The following KCNIP4 variants were observed in gnomAD, a reference collection of about 807,000 sequenced individuals.
KCNIP4 encodes Kv channel-interacting protein 4.
In KCNIP4, 12 loss-of-function variants were observed where a neutral mutation model predicts 34.0. The observed-to-expected ratio is 0.35, with a 90% CI of 0.23 to 0.57. KCNIP4 has a LOEUF of 0.57. Among genes scored for constraint, KCNIP4 ranks in the 20% least tolerant of loss-of-function variants. The pLI, the probability that KCNIP4 is intolerant of heterozygous loss-of-function variation, is 0.83. For missense variants in KCNIP4, 238 were observed against 311.7 expected, an observed-to-expected ratio of 0.76 and a Z score of 1.78; for synonymous variants, 124 against 102.2, an observed-to-expected ratio of 1.21 and a Z score of -1.29.
chr4:21,193,570 A>ATTTTTT (rs1247945573), intron 1 of KCNIP4, among the ~76,000 whole-genome samples: 2 of 104,644 alleles, frequency 1.9e-5, no homozygotes, highest in East Asian at 2.5e-4. Flanking sequence ...TGCAATTTTA[A>ATTTTTT]ATTTTTTTTT....
rs185972830 is a variant in KCNIP4 at position 21,213,750 on chromosome 4, T to G, written c.62-331041A>C. Among the ~76,000 whole-genome samples the G allele has an allele frequency of 3.3e-4, 51 of 152,290 alleles. 1 individual carries two copies. In the East Asian group the frequency reaches 9.5e-3, roughly 28 times the overall value. On this transcript the variant is annotated intron_variant, in intron 1 of 8. Transcript: ENST00000382152. The stretch of plus-strand genomic sequence containing the variant: ...AAACACAGAGAAATGGTTTGGCCCA[T>G]GTATGGGCAAACCAAGTCTTTGCTG...
At chr4:21,112,053 C>CTATCTATCTATCTATA (rs1560732938) in intron 1 of KCNIP4, among the ~76,000 whole-genome samples, 3 of 152,142 alleles carry the variant, frequency 2.0e-5, no homozygotes, top group Admixed American at 6.5e-5. Context: ...ATCTATCTAT[C>CTATCTATCTATCTATA]TATCTATCTA....
At chr4:20,844,695 G>T (rs564758090) in intron 3 of KCNIP4, among the ~76,000 whole-genome samples, 1 of 152,004 alleles carries the variant, frequency 6.6e-6, no homozygotes, top group African/African-American at 2.4e-5. Flanking sequence ...ACCATAAATC[G>T]GACGTAGTGC....
rs1737865635 is a variant in KCNIP4, at chr4:20,999,414, GTTTTTTTTTTTTGTTTGTTTTTTGTT to G, written c.62-116731_62-116706del. On this transcript the variant is annotated intron_variant, in intron 1 of 8. Transcript: ENST00000382152. Reference sequence around the variant, plus strand: ...AAAAGAGGGTTTTTGTTGTGGTGGTGTTTTTTTTTTTTGTTTGTTTTTTGTTTTTTTTTTTTTTTTTTATCTTGAGA... The same window carrying G: ...AAAAGAGGGTTTTTGTTGTGGTGGTGTTTTTTTTTTTTTTTTATCTTGAGA... Among the ~76,000 whole-genome samples, 4 of 95,348 alleles carry G rather than the reference GTTTTTTTTTTTTGTTTGTTTTTTGTT, an allele frequency of 4.2e-5. 1 individual carries two copies. The highest frequency in any genetic ancestry group is 2.9e-4 in the South Asian group (1 of 3,410). 62.6% of individuals were successfully genotyped at this position (95,348 alleles called of 152,430 possible). A position where few individuals can be genotyped will look rare whatever the true frequency, so the allele number is the denominator to read the frequency against.
chr4:21,656,797 T>C (rs1309134474), intron 1 of KCNIP4: 1 of 152,350 alleles, frequency 6.6e-6, no homozygotes, highest in East Asian at 1.9e-4. Context: ...TAAATATTGA[T>C]GGTGTATCCT....
At chr4:21,897,940 G>T (rs963498338) in intron 1 of KCNIP4, among the ~76,000 whole-genome samples, 1 of 152,154 alleles carries the variant, frequency 6.6e-6, no homozygotes, top group Non-Finnish European at 1.5e-5. Flanking sequence ...TGTAGAGGGA[G>T]AATCTGTGTG....
chr4:21,778,296 C>A (rs2874961), intron 1 of KCNIP4, among the ~76,000 whole-genome samples: 83,692 of 141,104 alleles, frequency 0.59, 26,726 homozygotes, highest in Non-Finnish European at 0.73. Context: ...GTGCAGTGGC[C>A]CAAACATGGC....
intron 1 of KCNIP4, among the ~76,000 whole-genome samples, chr4:21,406,696 G>C (rs1191987668): frequency 6.6e-6 from 1 of 152,164 alleles, no homozygotes; most frequent in Non-Finnish European, 1.5e-5. Flanking sequence ...ATTTTTACTT[G>C]AGAGAGTAAC....
intron 1 of KCNIP4, among the ~76,000 whole-genome samples, chr4:21,046,589 T>TTATTTATTTATTTATC (rs1369739448): frequency 6.6e-6 from 1 of 151,512 alleles, no homozygotes; most frequent in Non-Finnish European, 1.5e-5. Context: ...ATTTATTTAT[T>TTATTTATTTATTTATC]TATTTATTTA....
At chr4:21,514,944 T>TCTATC (rs1419235488) in intron 1 of KCNIP4, among the ~76,000 whole-genome samples, 7 of 152,210 alleles carry the variant, frequency 4.6e-5, no homozygotes, top group African/African-American at 1.7e-4. Flanking sequence ...CTTTCTTACT[T>TCTATC]CTATCCTAAA....
At chr4:21,615,197 GA>G (rs1187982255) in intron 1 of KCNIP4, among the ~76,000 whole-genome samples, 3 of 151,638 alleles carry the variant, frequency 2.0e-5, no homozygotes, top group East Asian at 1.9e-4. Flanking sequence ...AAGGAAAAAA[GA>G]AAAAAATAAT....
At chr4:20,992,046 A>G (rs1045838293) in intron 1 of KCNIP4, among the ~76,000 whole-genome samples, 10 of 152,228 alleles carry the variant, frequency 6.6e-5, no homozygotes, top group African/African-American at 2.4e-4. Flanking sequence ...AATTCTGAAG[A>G]GAAACTGAAT....
chr4:21,246,032 ATTT>A (rs966119803), intron 1 of KCNIP4, among the ~76,000 whole-genome samples: 1 of 151,980 alleles, frequency 6.6e-6, no homozygotes. Flanking sequence ...AAAAAGGAGG[ATTT>A]TTTTTAACTT....
At chr4:20,903,802 A>G (rs900946644) in intron 1 of KCNIP4, among the ~76,000 whole-genome samples, 8 of 152,082 alleles carry the variant, frequency 5.3e-5, no homozygotes, top group Admixed American at 2.0e-4. Flanking sequence ...TATTTTACAG[A>G]GTTTTGCTCT....
intron 3 of KCNIP4, among the ~76,000 whole-genome samples, chr4:20,780,570 C>A (rs746374689): frequency 6.6e-6 from 1 of 152,116 alleles, no homozygotes; most frequent in Non-Finnish European, 1.5e-5. Context: ...CTGCCAATAC[C>A]CCATTTAACA....
chr4:20,888,654 A>G (rs567946647), intron 1 of KCNIP4, among the ~76,000 whole-genome samples: 2 of 152,290 alleles, frequency 1.3e-5, no homozygotes, highest in East Asian at 3.9e-4. Flanking sequence ...TTAAGTTAAT[A>G]TGTATCGCCA....
At chr4:21,802,860 G>T (rs948549508) in intron 1 of KCNIP4, among the ~76,000 whole-genome samples, 1 of 152,086 alleles carries the variant, frequency 6.6e-6, no homozygotes, top group Non-Finnish European at 1.5e-5. Context: ...TTCATTCCCA[G>T]AAAACAGCCT....
intron 1 of KCNIP4, among the ~76,000 whole-genome samples, chr4:21,506,110 G>A (rs1319259291): frequency 2.6e-5 from 4 of 152,132 alleles, no homozygotes; most frequent in Non-Finnish European, 4.4e-5. Context: ...TCAAAAATAA[G>A]AATACAACAA....
chr4:21,746,469 G>A (rs1463808809), intron 1 of KCNIP4, among the ~76,000 whole-genome samples: 2 of 151,966 alleles, frequency 1.3e-5, no homozygotes, highest in African/African-American at 2.4e-5. Context: ...AGTTCAATGA[G>A]AACTTTGAAT....
Sources: allele counts gnomAD v4.1 joint callset (sites outside exome capture counted in the v4.1 genomes callset), GRCh38; gene constraint gnomAD v4.1.1; transcripts MANE v1.5; gene names NCBI Gene and HGNC (gene_info 2026-07-23, HGNC 2026-07-21).